The following SSBP3 variants were observed in gnomAD, a reference collection of about 807,000 sequenced individuals.
The protein encoded by SSBP3 is single-stranded DNA-binding protein 3.
Under a neutral mutation model 69.6 loss-of-function variants are expected in SSBP3, and 5 were observed. That is an observed-to-expected ratio of 0.07 (90% CI 0.04 to 0.15). SSBP3 has a LOEUF of 0.15. Among genes scored for constraint, SSBP3 ranks in the 10% least tolerant of loss-of-function variants. The pLI, the probability that SSBP3 is intolerant of heterozygous loss-of-function variation, is 1.00. For synonymous variants in SSBP3, 196 were observed against 193.4 expected (o/e 1.01, Z -0.11); for missense variants, 312 against 534.0 (o/e 0.58, Z 4.10).
intron 5 of SSBP3, among the ~76,000 whole-genome samples, chr1:54,280,160 G>A (rs1030607462): frequency 2.6e-5 from 4 of 152,196 alleles, no homozygotes; most frequent in Non-Finnish European, 4.4e-5. Flanking sequence ...TTTCACTGCC[G>A]TCCTTCTTAG....
intron 4 of SSBP3, chr1:54,286,282 T>TA (rs1435912386): frequency 6.6e-6 from 1 of 152,180 alleles, no homozygotes; most frequent in Admixed American, 6.5e-5. Flanking sequence ...ACATGCACTT[T>TA]AAAAAACAAC....
chr1:54,228,126 G>A, intron 17 of SSBP3, 129 bp downstream of exon 17: 3 of 868,584 alleles, frequency 3.5e-6, no homozygotes, highest in Non-Finnish European at 5.7e-6. Context: ...AAATAACTGA[G>A]GTGGAAAAAC....
chr1:54,244,783 T>TC (rs1264987198), intron 9 of SSBP3, among the ~76,000 whole-genome samples: 3 of 152,058 alleles, frequency 2.0e-5, no homozygotes, highest in African/African-American at 7.2e-5. Flanking sequence ...CCTACTCAGC[T>TC]CCAAGAGCAG....
chr1:54,245,851 T>C (rs1644725864), intron 9 of SSBP3, among the ~76,000 whole-genome samples: 3 of 152,200 alleles, frequency 2.0e-5, no homozygotes, highest in African/African-American at 7.2e-5. Context: ...TTGGGCAAAT[T>C]ACCAAATGAC....
intron 4 of SSBP3, among the ~76,000 whole-genome samples, chr1:54,322,779 C>T (rs1250440541): frequency 6.6e-6 from 1 of 152,172 alleles, no homozygotes; most frequent in Non-Finnish European, 1.5e-5. Flanking sequence ...AACCATCCAT[C>T]CACTTATGCG....
intron 4 of SSBP3, among the ~76,000 whole-genome samples, chr1:54,384,143 G>C (rs1370164281): frequency 1.4e-4 from 21 of 148,440 alleles, no homozygotes; most frequent in Admixed American, 1.4e-4. Flanking sequence ...CTGGGCAGGA[G>C]AACAGTCACG....
intron 4 of SSBP3, among the ~76,000 whole-genome samples, chr1:54,301,463 C>T (rs897446712): frequency 6.6e-6 from 1 of 152,222 alleles, no homozygotes; most frequent in African/African-American, 2.4e-5. Flanking sequence ...ACCCCCTACC[C>T]ATGCCCAGCC....
intron 4 of SSBP3, among the ~76,000 whole-genome samples, chr1:54,386,114 G>A (rs1648061126): frequency 5.3e-5 from 8 of 152,226 alleles, no homozygotes; most frequent in Admixed American, 5.2e-4. Flanking sequence ...AACATGCAGT[G>A]TGGGGTTCAG....
rs549734068 is a variant in SSBP3 at position 54,270,213 on chromosome 1, A to G, written c.366+11225T>C. Among the ~76,000 whole-genome samples, 11 of 152,258 alleles carry G rather than the reference A, an allele frequency of 7.2e-5. No homozygotes were observed. In the East Asian group the frequency reaches 1.4e-3, roughly 19 times the overall value. On this transcript the variant is annotated intron_variant, in intron 5 of 17. Coordinates refer to ENST00000610401, the Ensembl canonical transcript of SSBP3. ...CAAACTCAAATGATACTCAGGTGAA[A>G]TTCACCAGTGACAGAATGCAGGCGC...
chr1:54,255,168 G>T (rs1265557517), intron 7 of SSBP3, among the ~76,000 whole-genome samples: 18 of 141,606 alleles, frequency 1.3e-4, no homozygotes, highest in Admixed American at 1.2e-3. Flanking sequence ...CGGGGGGGGG[G>T]GTGGTTGGCA....
chr1:54,410,743 T>C (rs1011212344), upstream of SSBP3, among the ~76,000 whole-genome samples: 1 of 152,208 alleles, frequency 6.6e-6, no homozygotes, highest in African/African-American at 2.4e-5. Context: ...CCGTCCTCTC[T>C]GTGCAATGAG....
chr1:54,407,259 C>T (rs1435633983), upstream of SSBP3, among the ~76,000 whole-genome samples: 1 of 152,206 alleles, frequency 6.6e-6, no homozygotes, highest in Non-Finnish European at 1.5e-5. Context: ...CCCTCGGCTT[C>T]TGCACGGGAA....
intron 4 of SSBP3, among the ~76,000 whole-genome samples, chr1:54,288,520 C>G (rs1406474627): frequency 6.7e-6 from 1 of 149,580 alleles, no homozygotes; most frequent in Non-Finnish European, 1.5e-5. Context: ...TGGGTATGAC[C>G]CTGGAATGCA....
chr1:54,310,329 C>T (rs1645978155), intron 4 of SSBP3, among the ~76,000 whole-genome samples: 1 of 152,104 alleles, frequency 6.6e-6, no homozygotes. Flanking sequence ...AGGAGGAGAG[C>T]TCTTTTAAAA....
intron 4 of SSBP3, among the ~76,000 whole-genome samples, chr1:54,332,929 C>T (rs183939509): frequency 3.3e-5 from 5 of 152,274 alleles, no homozygotes; most frequent in Middle Eastern, 3.4e-3. Context: ...CACACACACG[C>T]GCGAGCACAC....
chr1:54,250,333 C>G (rs1268038552), intron 9 of SSBP3, among the ~76,000 whole-genome samples: 2 of 152,168 alleles, frequency 1.3e-5, no homozygotes, highest in African/African-American at 4.8e-5. Context: ...CACAGATGTT[C>G]CAACCACCAC....
intron 4 of SSBP3, among the ~76,000 whole-genome samples, chr1:54,398,275 C>T (rs1649037692): frequency 6.6e-6 from 1 of 152,194 alleles, no homozygotes; most frequent in Admixed American, 6.5e-5. Flanking sequence ...CACATGAAAA[C>T]ATGTTATAAA....
At chr1:54,390,493 G>A (rs1414108454) in intron 4 of SSBP3, among the ~76,000 whole-genome samples, 1 of 152,154 alleles carries the variant, frequency 6.6e-6, no homozygotes, top group African/African-American at 2.4e-5. Flanking sequence ...TCTGTAGCTT[G>A]GGGTCAGAAT....
intron 5 of SSBP3, among the ~76,000 whole-genome samples, chr1:54,262,833 A>G (rs141481352): frequency 0.017 from 2,640 of 152,308 alleles, 42 homozygotes; most frequent in Non-Finnish European, 0.021. Context: ...GCCCTGGGGT[A>G]GACCTCAACA....
Sources: allele counts gnomAD v4.1 joint callset (sites outside exome capture counted in the v4.1 genomes callset), GRCh38; gene constraint gnomAD v4.1.1; transcripts MANE v1.5; gene names NCBI Gene and HGNC (gene_info 2026-07-23, HGNC 2026-07-21).